THSD7A: variants seen among roughly 807,000 people sequenced by gnomAD.
The protein encoded by THSD7A is thrombospondin type-1 domain-containing protein 7A.
Under a neutral mutation model 231.3 loss-of-function variants are expected in THSD7A, and 96 were observed. The ratio of observed to expected loss-of-function variants is 0.41; its 90% CI spans 0.35 to 0.49. The LOEUF (loss-of-function observed/expected upper bound fraction) is 0.49, where lower values mean the gene tolerates loss of function less well. Among genes scored for constraint, THSD7A ranks in the 20% least tolerant of loss-of-function variants. The pLI, the probability that THSD7A is intolerant of heterozygous loss-of-function variation, is 0.05. For missense variants in THSD7A, 2,290 were observed against 2,070.2 expected (o/e 1.11, Z -2.06); for synonymous variants, 940 against 743.3 (o/e 1.26, Z -4.30).
Position 11,371,227 on chromosome 7 carries a change from T to G in THSD7A, c.*4567A>C, listed in dbSNP as rs886624131. On this transcript the variant is annotated 3_prime_UTR_variant, in exon 28 of 28. Coordinates refer to ENST00000423059, the MANE Select transcript of THSD7A (RefSeq NM_015204.3). ...GTCCCTGCTAGATATAAAATTATTA[T>G]AACACACTGCAAACCATCCTTTTTA... The G allele has an allele frequency of 2.6e-5, 4 of 152,208 alleles. No individual in the cohort carries two copies. The highest frequency in any genetic ancestry group is 5.9e-5 in the Non-Finnish European group (4 of 68,034). The allele number at this position is 152,208 out of a possible 1,614,324, so 9.4% of individuals were successfully genotyped here. A position where few individuals can be genotyped will look rare whatever the true frequency, so the allele number is the denominator to read the frequency against.
At chr7:11,692,493 G>T (rs1325368486) in intron 1 of THSD7A, among the ~76,000 whole-genome samples, 1 of 151,382 alleles carries the variant, frequency 6.6e-6, no homozygotes, top group African/African-American at 2.4e-5. Context: ...AAATAAAAGA[G>T]AACTAAAATA....
intron 1 of THSD7A, among the ~76,000 whole-genome samples, chr7:11,746,322 C>A (rs1310116724): frequency 6.6e-6 from 1 of 151,710 alleles, no homozygotes; most frequent in Non-Finnish European, 1.5e-5. Context: ...ACTAAGAAAC[C>A]AACACTGGTA....
At chr7:11,806,288 CA>C (rs1383362771) in intron 1 of THSD7A, among the ~76,000 whole-genome samples, 3 of 152,084 alleles carry the variant, frequency 2.0e-5, no homozygotes, top group African/African-American at 7.2e-5. Flanking sequence ...TTAAATTCCA[CA>C]TACACATTTT....
chr7:11,729,847 C>T (rs977286678), intron 1 of THSD7A, among the ~76,000 whole-genome samples: 1 of 151,620 alleles, frequency 6.6e-6, no homozygotes, highest in African/African-American at 2.4e-5. Context: ...TGTTTGGAAA[C>T]AAAATTTTTT....
At chr7:11,449,421 G>C (rs1268738805) in intron 11 of THSD7A, among the ~76,000 whole-genome samples, 1 of 151,972 alleles carries the variant, frequency 6.6e-6, no homozygotes, top group Non-Finnish European at 1.5e-5. Context: ...TCAAGTTTGA[G>C]ACCCACCAGC....
intron 1 of THSD7A, among the ~76,000 whole-genome samples, chr7:11,682,103 G>GTT (rs945846203): frequency 2.6e-5 from 4 of 151,986 alleles, no homozygotes; most frequent in Non-Finnish European, 5.9e-5. Context: ...GATGCTTAAG[G>GTT]GAGTTCTAAA....
intron 23 of THSD7A, among the ~76,000 whole-genome samples, chr7:11,390,171 T>A (rs1426166542): frequency 2.0e-5 from 3 of 152,224 alleles, no homozygotes; most frequent in Admixed American, 2.0e-4. Flanking sequence ...TCTTGCTAGG[T>A]TGGGGAAGTT....
chr7:11,713,233 A>G (rs562900836), intron 1 of THSD7A, among the ~76,000 whole-genome samples: 1 of 151,350 alleles, frequency 6.6e-6, no homozygotes, highest in African/African-American at 2.4e-5. Context: ...TTTCCCTCCC[A>G]TTCCTCAAAA....
At chr7:11,717,715 T>C (rs1271539248) in intron 1 of THSD7A, among the ~76,000 whole-genome samples, 1 of 151,570 alleles carries the variant, frequency 6.6e-6, no homozygotes, top group East Asian at 2.0e-4. Context: ...AAACAACTGC[T>C]TCTACACCTA....
At chr7:11,547,168 A>G (rs556597384) in intron 4 of THSD7A, among the ~76,000 whole-genome samples, 13 of 152,184 alleles carry the variant, frequency 8.5e-5, no homozygotes, top group South Asian at 2.1e-4. Context: ...TAAACATGGA[A>G]ATGAAAGACT....
intron 14 of THSD7A, among the ~76,000 whole-genome samples, chr7:11,428,442 C>A (rs139522320): frequency 6.6e-6 from 1 of 152,128 alleles, no homozygotes. Context: ...AGCATACTTA[C>A]AGTGATTTTG....
At chr7:11,547,988 G>A (rs1789468332) in intron 4 of THSD7A, among the ~76,000 whole-genome samples, 1 of 152,096 alleles carries the variant, frequency 6.6e-6, no homozygotes, top group Admixed American at 6.6e-5. Context: ...AAAGCCAGCA[G>A]TAGACAAGAA....
chr7:11,649,318 T>C (rs963860261), intron 1 of THSD7A, among the ~76,000 whole-genome samples: 5 of 151,998 alleles, frequency 3.3e-5, no homozygotes, highest in African/African-American at 4.8e-5. Flanking sequence ...GACCATAAAC[T>C]CATGATAGAC....
chr7:11,700,914 T>A (rs1261998266), intron 1 of THSD7A, among the ~76,000 whole-genome samples: 4 of 151,278 alleles, frequency 2.6e-5, no homozygotes, highest in African/African-American at 9.7e-5. Flanking sequence ...TATCTTTGAA[T>A]AGGTAATTTG....
chr7:11,727,758 A>G (rs1353552069), intron 1 of THSD7A, among the ~76,000 whole-genome samples: 1 of 152,056 alleles, frequency 6.6e-6, no homozygotes, highest in Admixed American at 6.6e-5. Context: ...CCGTATCAAT[A>G]CGAATTGTTT....
chr7:11,817,149 C>A (rs189719222), intron 1 of THSD7A, among the ~76,000 whole-genome samples: 31 of 152,204 alleles, frequency 2.0e-4, no homozygotes, highest in Non-Finnish European at 4.0e-4. Context: ...GTAGGATATT[C>A]ATATATCACA....
At chr7:11,697,608 T>C (rs986944915) in intron 1 of THSD7A, among the ~76,000 whole-genome samples, 4 of 151,412 alleles carry the variant, frequency 2.6e-5, no homozygotes, top group African/African-American at 7.2e-5. Context: ...TCTTGAGCTG[T>C]TTATTAGACT....
intron 23 of THSD7A, among the ~76,000 whole-genome samples, chr7:11,397,943 C>T (rs1252080459): frequency 6.6e-6 from 1 of 152,198 alleles, no homozygotes; most frequent in African/African-American, 2.4e-5. Flanking sequence ...TGCTTTTACA[C>T]TGTTGGTGGG....
At chr7:11,384,048 ATTAAAG>A (rs1455524102) in intron 23 of THSD7A, 2 of 152,032 alleles carry the variant, frequency 1.3e-5, no homozygotes, top group African/African-American at 2.4e-5. Flanking sequence ...CACTCTCGTC[ATTAAAG>A]TTATTTTCCA....
Sources: allele counts gnomAD v4.1 joint callset (sites outside exome capture counted in the v4.1 genomes callset), GRCh38; gene constraint gnomAD v4.1.1; transcripts MANE v1.5; gene names NCBI Gene and HGNC (gene_info 2026-07-23, HGNC 2026-07-21).